CCBE1: variants seen among roughly 807,000 people sequenced by gnomAD.
CCBE1 encodes collagen and calcium-binding EGF domain-containing protein 1.
CCBE1 carries 37 observed loss-of-function variants against 50.0 expected under a neutral mutation model. The observed-to-expected ratio is 0.74, with a 90% confidence interval of 0.57 to 0.97. CCBE1 has a LOEUF of 0.97. CCBE1 is among the 50% of genes least tolerant of loss of function. The probability of loss-of-function intolerance (pLI) is 0.00; values close to 1 mark genes in which losing one functional copy is unlikely to be tolerated. For synonymous variants in CCBE1, 234 were observed against 203.7 expected (o/e 1.15, Z -1.27); for missense variants, 538 against 523.8 (o/e 1.03, Z -0.26).
intron 2 of CCBE1, among the ~76,000 whole-genome samples, chr18:59,517,737 T>G (rs540742379): frequency 6.6e-6 from 1 of 152,124 alleles, no homozygotes; most frequent in Non-Finnish European, 1.5e-5. Flanking sequence ...CAGCAAGTTT[T>G]CAGAGCACCG....
intron 2 of CCBE1, among the ~76,000 whole-genome samples, chr18:59,603,238 C>A (rs192222109): frequency 2.0e-5 from 3 of 152,318 alleles, no homozygotes; most frequent in African/African-American, 4.8e-5. Context: ...AATATTAGAG[C>A]ATAGAATTTG....
At chr18:59,666,896 C>T (rs1391174602) in intron 2 of CCBE1, among the ~76,000 whole-genome samples, 1 of 152,052 alleles carries the variant, frequency 6.6e-6, no homozygotes, top group African/African-American at 2.4e-5. Flanking sequence ...ACCTGGGAGG[C>T]GGAGGTTGCA....
At chr18:59,523,407 G>A (rs999368915) in intron 2 of CCBE1, among the ~76,000 whole-genome samples, 3 of 150,942 alleles carry the variant, frequency 2.0e-5, no homozygotes, top group African/African-American at 7.3e-5. Flanking sequence ...TGGGTAGGTA[G>A]TCTTAGACAA....
In CCBE1 at chr18:59,528,080, T is replaced by C. The variant is rs371734630; in HGVS notation, c.213-47842A>G. On this transcript the variant is annotated intron_variant, in intron 2 of 10. Coordinates refer to ENST00000439986, the MANE Select transcript of CCBE1 (RefSeq NM_133459.4). The stretch of plus-strand genomic sequence containing the variant: ...GATATCCTGGAGTATGTTTTCCAAC[T>C]TGGCTCTGTTCTCCCCTTCTCTTTC... 3.0e-4 allele frequency among the ~76,000 whole-genome samples: 46 copies of C among 152,342 alleles called. 1 individual carries two copies. The highest frequency in any genetic ancestry group is 1.1e-3 in the African/African-American group (44 of 41,584).
intron 2 of CCBE1, among the ~76,000 whole-genome samples, chr18:59,518,004 C>A (rs967431071): frequency 6.6e-6 from 1 of 152,158 alleles, no homozygotes; most frequent in Non-Finnish European, 1.5e-5. Context: ...GGGCAATTCT[C>A]TGGGAAGTTG....
At chr18:59,696,282 AAC>A (rs2054802770) in intron 2 of CCBE1, among the ~76,000 whole-genome samples, 1 of 152,180 alleles carries the variant, frequency 6.6e-6, no homozygotes, top group African/African-American at 2.4e-5. Flanking sequence ...TTCAAAACAA[AAC>A]ACAAATACGA....
At chr18:59,664,709 C>A (rs1322849425) in intron 2 of CCBE1, among the ~76,000 whole-genome samples, 1 of 152,098 alleles carries the variant, frequency 6.6e-6, no homozygotes, top group African/African-American at 2.4e-5. Context: ...ACATGAGAGT[C>A]AGAAGGAAGA....
intron 2 of CCBE1, among the ~76,000 whole-genome samples, chr18:59,497,814 C>A (rs565066448): frequency 1.8e-4 from 27 of 152,280 alleles, no homozygotes; most frequent in African/African-American, 6.5e-4. Flanking sequence ...CATGAGGCAA[C>A]GCTCCTGCCC....
At chr18:59,449,301 C>T (rs949509748) in intron 6 of CCBE1, among the ~76,000 whole-genome samples, 8 of 152,090 alleles carry the variant, frequency 5.3e-5, no homozygotes, top group Admixed American at 2.6e-4. Flanking sequence ...GACTCAGTGT[C>T]CAGCCATTGT....
intron 4 of CCBE1, among the ~76,000 whole-genome samples, chr18:59,468,116 G>A (rs757610534): frequency 2.4e-4 from 37 of 152,198 alleles, no homozygotes; most frequent in Admixed American, 1.9e-3. Flanking sequence ...GGCTGGGTGC[G>A]GTGGCTCATG....
chr18:59,547,721 G>A (rs564239110), intron 2 of CCBE1, among the ~76,000 whole-genome samples: 44 of 152,262 alleles, frequency 2.9e-4, no homozygotes, highest in Middle Eastern at 6.8e-3. Flanking sequence ...TGAAATGGTC[G>A]AGACAAAGGA....
chr18:59,657,879 AAAC>A (rs1247069510), intron 2 of CCBE1, among the ~76,000 whole-genome samples: 1 of 129,680 alleles, frequency 7.7e-6, no homozygotes, highest in Non-Finnish European at 1.6e-5. Flanking sequence ...CAACAACAAC[AAAC>A]AACAACAAAC....
At chr18:59,555,148 T>C (rs918186270) in intron 2 of CCBE1, among the ~76,000 whole-genome samples, 1 of 152,208 alleles carries the variant, frequency 6.6e-6, no homozygotes, top group African/African-American at 2.4e-5. Flanking sequence ...ATGAGACATA[T>C]GGTGGTAAAT....
chr18:59,550,724 A>G (rs1169287404), intron 2 of CCBE1, among the ~76,000 whole-genome samples: 3 of 152,170 alleles, frequency 2.0e-5, no homozygotes, highest in Non-Finnish European at 4.4e-5. Flanking sequence ...CAACTCATGG[A>G]GACAGAAAAA....
rs536580813 is a variant in CCBE1, at chr18:59,685,132, A to G, written c.212+11497T>C. 6.6e-5 allele frequency among the ~76,000 whole-genome samples: 10 copies of G among 152,298 alleles called. No individual in the cohort carries two copies. The East Asian group carries it at 1.3e-3, about 21-fold the overall frequency. On this transcript the variant is annotated intron_variant, in intron 2 of 10. Transcript: ENST00000439986. ...ATTCATGCAGTGCAGCAACAAAGCA[A>G]AATATATTTTTTTTAATGCACCAAA...
At chr18:59,524,823 A>C (rs1347038777) in intron 2 of CCBE1, among the ~76,000 whole-genome samples, 1 of 152,080 alleles carries the variant, frequency 6.6e-6, no homozygotes, top group African/African-American at 2.4e-5. Context: ...TTCAGCTCCT[A>C]CTTGTAAGTG....
intron 6 of CCBE1, among the ~76,000 whole-genome samples, chr18:59,452,801 T>C (rs1911003408): frequency 6.6e-6 from 1 of 152,202 alleles, no homozygotes; most frequent in Admixed American, 6.5e-5. Flanking sequence ...GACATTCTAA[T>C]AGGAACCTTT....
chr18:59,595,341 CA>C (rs1175516422), intron 2 of CCBE1, among the ~76,000 whole-genome samples: 29 of 152,092 alleles, frequency 1.9e-4, no homozygotes, highest in Admixed American at 3.3e-4. Flanking sequence ...ATTTTGATCC[CA>C]CCTCTGGCCT....
intron 6 of CCBE1, among the ~76,000 whole-genome samples, chr18:59,454,495 C>G (rs9973068): frequency 0.014 from 2,202 of 152,304 alleles, 52 homozygotes; most frequent in African/African-American, 0.05. Context: ...ATCCACCTGC[C>G]TCAGCCTCCC....
Sources: gnomAD v4.1 joint callset for allele counts (sites outside exome capture counted in the v4.1 genomes callset) on GRCh38, gnomAD v4.1.1 for gene constraint, MANE v1.5 for transcripts, NCBI Gene and HGNC (gene_info 2026-07-23, HGNC 2026-07-21) for gene names.